The following MGAT4C variants were observed in gnomAD, a reference collection of about 807,000 sequenced individuals.
The protein encoded by MGAT4C is alpha-1,3-mannosyl-glycoprotein 4-beta-N-acetylglucosaminyltransferase C.
MGAT4C carries 19 observed loss-of-function variants against 40.1 expected under a neutral mutation model. The observed-to-expected ratio is 0.47, with a 90% confidence interval of 0.33 to 0.70. The LOEUF (loss-of-function observed/expected upper bound fraction) is 0.70, where lower values mean the gene tolerates loss of function less well. Among genes scored for constraint, MGAT4C ranks in the 30% least tolerant of loss-of-function variants. MGAT4C has a pLI of 0.02. For synonymous variants in MGAT4C, 181 were observed against 187.1 expected (o/e 0.97, Z 0.27); for missense variants, 491 against 563.2 (o/e 0.87, Z 1.30).
intron 1 of MGAT4C, among the ~76,000 whole-genome samples, chr12:86,229,509 T>C (rs1328273493): frequency 6.6e-6 from 1 of 152,054 alleles, no homozygotes; most frequent in Non-Finnish European, 1.5e-5. Flanking sequence ...TGTGTGTGCA[T>C]GTGTATATTG....
chr12:86,723,248 A>G (rs2136646781), intron 2 of MGAT4C, among the ~76,000 whole-genome samples: 1 of 152,316 alleles, frequency 6.6e-6, no homozygotes, highest in Admixed American at 6.5e-5. Flanking sequence ...AAATTCCCTA[A>G]GCCACTGTGG....
chr12:86,626,261 T>G (rs1271953793), intron 2 of MGAT4C, among the ~76,000 whole-genome samples: 1 of 152,184 alleles, frequency 6.6e-6, no homozygotes. Context: ...ACAAAAGAGA[T>G]GACTCTAATC....
At chr12:86,110,298 C>CTATATATATATAGTCTATATATATATAG (rs1565996123) in intron 1 of MGAT4C, among the ~76,000 whole-genome samples, 1 of 15,710 alleles carries the variant, frequency 6.4e-5, no homozygotes, top group African/African-American at 3.5e-4. Flanking sequence ...TATATAGTCT[C>CTATATATATATAGTCTATATATATATAG]TCTATATATA....
intron 2 of MGAT4C, among the ~76,000 whole-genome samples, chr12:86,543,146 G>A (rs1225081775): frequency 6.6e-6 from 1 of 151,824 alleles, no homozygotes; most frequent in African/African-American, 2.4e-5. Flanking sequence ...TAAGAGCGTT[G>A]ATGAGTAAAT....
chr12:86,626,244 G>T (rs1593056188), intron 2 of MGAT4C, among the ~76,000 whole-genome samples: 1 of 152,116 alleles, frequency 6.6e-6, no homozygotes, highest in African/African-American at 2.4e-5. Flanking sequence ...GTACACAGGA[G>T]TCATACACAA....
At chr12:86,125,677 T>C (rs1431497245) in intron 1 of MGAT4C, among the ~76,000 whole-genome samples, 1 of 152,128 alleles carries the variant, frequency 6.6e-6, no homozygotes, top group Non-Finnish European at 1.5e-5. Context: ...TTTTAGAAAA[T>C]GTCTAATTTT....
At chr12:86,352,195 T>C (rs1299428987) in intron 3 of MGAT4C, among the ~76,000 whole-genome samples, 1 of 152,114 alleles carries the variant, frequency 6.6e-6, no homozygotes, top group Non-Finnish European at 1.5e-5. Flanking sequence ...AAGAGTTTCC[T>C]GGTAATATTA....
At chr12:86,655,609 T>C (rs1963828421) in intron 2 of MGAT4C, among the ~76,000 whole-genome samples, 1 of 152,114 alleles carries the variant, frequency 6.6e-6, no homozygotes, top group Non-Finnish European at 1.5e-5. Flanking sequence ...TGTCTATTAT[T>C]CCTCAAGCAT....
At chr12:86,442,849 C>A (rs1957257567) in intron 2 of MGAT4C, among the ~76,000 whole-genome samples, 1 of 152,020 alleles carries the variant, frequency 6.6e-6, no homozygotes, top group East Asian at 1.9e-4. Context: ...ATGGTCACCC[C>A]AATCTTCAGC....
chr12:86,483,086 A>C (rs781766198), intron 2 of MGAT4C, among the ~76,000 whole-genome samples: 2 of 152,214 alleles, frequency 1.3e-5, no homozygotes, highest in Non-Finnish European at 2.9e-5. Flanking sequence ...ACGTCTGAGA[A>C]GTTCAATATC....
At chr12:86,338,081 A>G (rs1009923148) in intron 3 of MGAT4C, among the ~76,000 whole-genome samples, 2 of 152,196 alleles carry the variant, frequency 1.3e-5, no homozygotes, top group Non-Finnish European at 2.9e-5. Context: ...CAATAAAGAA[A>G]GAATAATTCA....
intron 3 of MGAT4C, among the ~76,000 whole-genome samples, chr12:86,425,215 A>C (rs1956903252): frequency 6.6e-6 from 1 of 152,188 alleles, no homozygotes; most frequent in Non-Finnish European, 1.5e-5. Flanking sequence ...ATCATAATTT[A>C]AGAAGAATGA....
chr12:86,016,512 G>C (rs1889103472), intron 2 of MGAT4C: 1 of 152,196 alleles, frequency 6.6e-6, no homozygotes, highest in Admixed American at 6.5e-5. Flanking sequence ...CCGGGAAAAT[G>C]CAGCAGATAC....
intron 2 of MGAT4C, among the ~76,000 whole-genome samples, chr12:86,459,405 A>G (rs1227600273): frequency 6.6e-6 from 1 of 151,920 alleles, no homozygotes; most frequent in Non-Finnish European, 1.5e-5. Flanking sequence ...TCTGGTCTAA[A>G]GCAGGCATTT....
intron 4 of MGAT4C, among the ~76,000 whole-genome samples, chr12:86,277,309 T>C (rs1953100833): frequency 6.6e-6 from 1 of 152,218 alleles, no homozygotes; most frequent in Admixed American, 6.5e-5. Flanking sequence ...GTCAGATGAA[T>C]ACTTTGCAAA....
intron 2 of MGAT4C, among the ~76,000 whole-genome samples, chr12:86,491,207 A>C (rs1958126094): frequency 6.6e-6 from 1 of 152,174 alleles, no homozygotes; most frequent in South Asian, 2.1e-4. Context: ...GCCGAATGCT[A>C]CCAGAGGTAA....
chr12:86,603,779 C>T (rs563851100), intron 2 of MGAT4C, among the ~76,000 whole-genome samples: 6 of 46,578 alleles, frequency 1.3e-4, no homozygotes, highest in African/African-American at 3.3e-4. Context: ...ATTATATATA[C>T]TATATAATAT....
chr12:86,425,686 C>CA (rs1462535908), intron 3 of MGAT4C, among the ~76,000 whole-genome samples: 1 of 152,160 alleles, frequency 6.6e-6, no homozygotes, highest in Non-Finnish European at 1.5e-5. Context: ...CCTTTGACTC[C>CA]AAAATCTTGC....
At chr12:86,023,387 T>C (rs1279040014) in intron 2 of MGAT4C, among the ~76,000 whole-genome samples, 2 of 151,332 alleles carry the variant, frequency 1.3e-5, no homozygotes, top group African/African-American at 4.8e-5. Context: ...GGAGAGACTA[T>C]GGTGAAAAGT....
Sources: gnomAD v4.1 joint callset for allele counts (sites outside exome capture counted in the v4.1 genomes callset) on GRCh38, gnomAD v4.1.1 for gene constraint, MANE v1.5 for transcripts, NCBI Gene and HGNC (gene_info 2026-07-23, HGNC 2026-07-21) for gene names.